Variants in HMCN2 observed in about 807,000 individuals in gnomAD.
HMCN2 encodes hemicentin 2, also known as hemicentin-2.
In HMCN2, 325 loss-of-function variants were observed where a neutral mutation model predicts 377.5. That is an observed-to-expected ratio of 0.86 (90% CI 0.79 to 0.94). The LOEUF (loss-of-function observed/expected upper bound fraction) is 0.94, where lower values mean the gene tolerates loss of function less well. Among genes scored for constraint, HMCN2 ranks in the 40% least tolerant of loss-of-function variants. HMCN2 has a pLI of 0.00. For synonymous variants in HMCN2, 2,007 were observed against 2,046.8 expected (o/e 0.98, Z 0.53); for missense variants, 4,543 against 4,725.3 (o/e 0.96, Z 1.13).
rs1836198830 is a variant in HMCN2 at position 130,296,958 on chromosome 9, T to C, written c.1012+164T>C. On this transcript the variant is annotated intron_variant, in intron 7 of 97. Transcript: ENST00000683500. ...GGACTGTGCTCCCAGACCACAGTGA[T>C]GTAAACTGAGCTTCCAGGCCAGCAT... Among the ~76,000 whole-genome samples, 3 of 152,162 alleles carry C rather than the reference T, an allele frequency of 2.0e-5. No individual in the cohort carries two copies. In the South Asian group the frequency reaches 6.2e-4, roughly 32 times the overall value.
rs536071370 is a variant in HMCN2, at chr9:130,416,042, G to A, written c.12962-2730G>A. On this transcript the variant is annotated intron_variant, in intron 85 of 97. Coordinates refer to ENST00000683500, the MANE Select transcript of HMCN2 (RefSeq NM_001291815.2). ...TCACGGTGGGGTAGGGATGGGCACA[G>A]CCCCAGGCAGGAGGGCCAAAGGCTT... 7.9e-5 allele frequency among the ~76,000 whole-genome samples: 12 copies of A among 151,698 alleles called. No individual in the cohort carries two copies. In the South Asian group the frequency reaches 2.3e-3, roughly 29 times the overall value.
In HMCN2 at chr9:130,377,596, G is replaced by A. The variant is rs909901341; in HGVS notation, c.8062-53G>A. ...ATTAAGCACATTTGTCTTGCTGCTC[G>A]TGGCCCCTCATTTCTGATCTCCCTT... On this transcript the variant is annotated intron_variant, in intron 52 of 97. Transcript: ENST00000683500. 6.7e-5 allele frequency: 64 copies of A among 948,448 alleles called. 1 individual carries two copies. The highest frequency in any genetic ancestry group is 5.3e-4 in the Middle Eastern group (1 of 1,872). The allele number at this position is 948,448 out of a possible 1,614,324, so 58.8% of individuals were successfully genotyped here.
chr9:130,423,240 T>A lies in HMCN2; in HGVS notation c.13381+514T>A, dbSNP rs1199979079. Among the ~76,000 whole-genome samples the A allele has an allele frequency of 1.3e-5, 2 of 152,168 alleles. No homozygotes were observed. The highest frequency in any genetic ancestry group is 4.8e-5 in the African/African-American group (2 of 41,430). ...TCATGTACGGTGTCTGAGCGATGAATGCTCTGAGAGACTTGCAGAGCTTGT... is the reference window on the plus strand; with the variant it reads ...TCATGTACGGTGTCTGAGCGATGAAAGCTCTGAGAGACTTGCAGAGCTTGT... On this transcript the variant is annotated intron_variant, in intron 87 of 97. Transcript: ENST00000683500. The surrounding 1 kb of genome is among the most constrained non-coding windows in gnomAD (Gnocchi z 5.5).
chr9:130,429,830 G>A (rs920601360), intron 94 of HMCN2, 145 bp downstream of exon 94: 20 of 1,391,416 alleles, frequency 1.4e-5, no homozygotes, highest in African/African-American at 1.2e-4. Context: ...TGTCTAAGGC[G>A]CCAGTGCTGT....
At position 130,305,336 on chromosome 9, in the gene HMCN2, C is replaced by T. The variant is rs144227905; in HGVS notation, c.1816+334C>T. On this transcript the variant is annotated intron_variant, in intron 11 of 97. Transcript: ENST00000683500. ...ACTGCACCCTGCCCAATAGGTAGGG[C>T]AGGGACTGAATACTGGAACCTTGGG... 4.9e-3 allele frequency among the ~76,000 whole-genome samples: 744 copies of T among 152,260 alleles called. 6 individuals are homozygous for T. The highest frequency in any genetic ancestry group is 0.017 in the African/African-American group (707 of 41,534).
At chr9:130,273,810 T>C (rs1363990497) in intron 1 of HMCN2, among the ~76,000 whole-genome samples, 1 of 152,242 alleles carries the variant, frequency 6.6e-6, no homozygotes, top group Non-Finnish European at 1.5e-5. Context: ...CTTGTCTTGC[T>C]TTTGATTTTG....
rs1456752636 is a variant in HMCN2, at chr9:130,380,936, A to C, written c.8432-1248A>C. 1.2e-4 allele frequency among the ~76,000 whole-genome samples: 4 copies of C among 33,782 alleles called. No homozygotes were observed. The Admixed American group carries it at 2.0e-3, about 17-fold the overall frequency. 22.2% of individuals were successfully genotyped at this position (33,782 alleles called of 152,430 possible). A position where few individuals can be genotyped will look rare whatever the true frequency, so the allele number is the denominator to read the frequency against. On this transcript the variant is annotated intron_variant, in intron 54 of 97. Coordinates refer to ENST00000683500, the MANE Select transcript of HMCN2 (RefSeq NM_001291815.2). ...GATCCTGACCCCAAGTCCTGGGTGC[A>C]CAGTAGGCTCTGACCTGCTGATCCC...
In HMCN2 at chr9:130,365,645, TG is replaced by T; in HGVS notation, c.6424del (p.Val2142CysfsTer12). On this transcript the variant is annotated frameshift_variant, in exon 42 of 98. Transcript: ENST00000683500. LOFTEE classifies it high-confidence loss of function. The part of the protein sequence containing the change: ...KALLQVDRAD[V>X]WDAGHYTCEA... ...CTCTCTGCCAGGTGGACAGAGCCGA[TG>T]TGTGGGATGCGGGCCATTACACCTG... is the stretch of plus-strand genomic sequence containing the variant. The T allele has an allele frequency of 3.0e-6, 3 of 985,994 alleles. No homozygotes were observed. The highest frequency in any genetic ancestry group is 3.6e-6 in the Non-Finnish European group (3 of 830,036). 61.1% of individuals were successfully genotyped at this position (985,994 alleles called of 1,614,324 possible). A position where few individuals can be genotyped will look rare whatever the true frequency, so the allele number is the denominator to read the frequency against.
rs1463812002 is a variant in HMCN2, at chr9:130,302,865, C to G, written c.1285C>G (p.Leu429Val). The G allele has an allele frequency of 2.1e-6, 1 of 466,192 alleles. No individual in the cohort carries two copies. The highest frequency in any genetic ancestry group is 2.0e-5 in the African/African-American group (1 of 50,000). 28.9% of individuals were successfully genotyped at this position (466,192 alleles called of 1,614,324 possible). Residue 429 changes from leucine to valine, a missense_variant, in exon 9 of 98, where the codon CTC (leucine) becomes GTC (valine). Coordinates refer to ENST00000683500, the MANE Select transcript of HMCN2 (RefSeq NM_001291815.2). ...CTGGTCCCCGCCTACAGGCGCTCCC[C>G]TCGTCAGCATGGCCCCCAGGATCCA... ...SYSGVAPGAPLVSMAPRIHGY... is the reference protein window; with the variant it reads ...SYSGVAPGAPVVSMAPRIHGY...
chr9:130,358,285 G>A, intron 35 of HMCN2, 105 bp from the exon 36 acceptor site: 1 of 1,259,830 alleles, frequency 7.9e-7, no homozygotes, highest in Non-Finnish European at 1.0e-6. Flanking sequence ...GTGTCCCCAT[G>A]CCTCACTGCT....
chr9:130,302,715 CTG>C, intron 8 of HMCN2, 140 bp from the exon 9 acceptor site: 2 of 290,324 alleles, frequency 6.9e-6, no homozygotes, highest in Non-Finnish European at 7.1e-6. Context: ...GAGGTGAAAA[CTG>C]AGCTTAGAGA....
rs75362184 is a variant in HMCN2 at position 130,376,161 on chromosome 9, C to G, written c.7918+172C>G. On this transcript the variant is annotated intron_variant, in intron 51 of 97. Transcript: ENST00000683500. ...TCCAGAGGACACAATGAGGAGAGAA[C>G]AGTGAGTTAGGGCATGTGCCACTTG... Among the ~76,000 whole-genome samples the G allele has an allele frequency of 6.6e-3, 1,005 of 152,242 alleles. 21 individuals are homozygous for G. Among genetic ancestry groups the G allele is most frequent in the South Asian group, 0.06 (287 of 4,818 alleles).
Position 130,351,124 on chromosome 9 carries a change from A to G in HMCN2, c.4431-299A>G, listed in dbSNP as rs1775072847. The stretch of plus-strand genomic sequence containing the variant: ...CTGGGTACTTCACATCACTGGCATC[A>G]TAGAGTGTGTGGCCTTTTGTGTCTG... On this transcript the variant is annotated intron_variant, in intron 29 of 97. Transcript: ENST00000683500. This position sits in a 1 kb window ranked among gnomAD's most constrained non-coding sequence, Gnocchi z 5.4. Among the ~76,000 whole-genome samples, 1 of 152,134 alleles carries G rather than the reference A, an allele frequency of 6.6e-6. No individual in the cohort carries two copies. The highest frequency in any genetic ancestry group is 2.4e-5 in the African/African-American group (1 of 41,430).
chr9:130,353,026 C>T lies in HMCN2; in HGVS notation c.4685C>T (p.Pro1562Leu), dbSNP rs1244336739. ...TGTGAGGCTCGAGGAGTGCCCACCC[C>T]AAACATCACCTGGTTCAAGGACGGG... ...LLCEARGVPTPNITWFKDGAL... is the reference protein window; with the variant it reads ...LLCEARGVPTLNITWFKDGAL... The change falls in exon 31 of 98, where the codon CCA (proline) becomes CTA (leucine). Residue 1562 changes from proline to leucine, a missense_variant. This residue lies in a region of HMCN2 where 1,032 missense variants were observed against 1,285.1 expected (regional missense o/e 0.80). Coordinates refer to ENST00000683500, the MANE Select transcript of HMCN2 (RefSeq NM_001291815.2). 3 of 1,304,202 alleles carry T rather than the reference C, an allele frequency of 2.3e-6. No individual in the cohort carries two copies. The Admixed American group carries it at 6.9e-5, about 30-fold the overall frequency. 80.8% of individuals were successfully genotyped at this position (1,304,202 alleles called of 1,614,324 possible).
intron 54 of HMCN2, among the ~76,000 whole-genome samples, chr9:130,381,451 CT>C (rs1238007680): frequency 6.6e-6 from 1 of 152,160 alleles, no homozygotes; most frequent in Non-Finnish European, 1.5e-5. Context: ...TCACTGCAAC[CT>C]CTGCCTCCTG....
At chr9:130,401,538 G>C (rs1588400665) in intron 77 of HMCN2, among the ~76,000 whole-genome samples, 1 of 152,192 alleles carries the variant, frequency 6.6e-6, no homozygotes, top group East Asian at 1.9e-4. Context: ...GGCCAGGCTG[G>C]TCTTGAACTC....
chr9:130,413,843 A>C (rs1238860007), intron 85 of HMCN2, among the ~76,000 whole-genome samples: 1 of 152,106 alleles, frequency 6.6e-6, no homozygotes, highest in Non-Finnish European at 1.5e-5. Context: ...TAAGAAAGAA[A>C]ACTTGTAAAT....
intron 1 of HMCN2, among the ~76,000 whole-genome samples, chr9:130,282,400 C>A (rs564515577): frequency 2.0e-5 from 3 of 152,174 alleles, no homozygotes; most frequent in Non-Finnish European, 4.4e-5. Context: ...TGAGCTCTGC[C>A]TGAGAGTCCC....
intron 32 of HMCN2, among the ~76,000 whole-genome samples, chr9:130,355,461 C>T (rs551172232): frequency 6.6e-5 from 10 of 152,330 alleles, no homozygotes; most frequent in South Asian, 4.2e-4. Context: ...TGACCCCAAG[C>T]GGCACTGGAA....
Sources: gnomAD v4.1 joint callset for allele counts (sites outside exome capture counted in the v4.1 genomes callset) on GRCh38, gnomAD v4.1.1 for gene constraint, gnomAD v4.1.1 regional missense constraint, Gnocchi (gnomAD v3.1) non-coding constraint, MANE v1.5 for transcripts, NCBI Gene and HGNC (gene_info 2026-07-23, HGNC 2026-07-21) for gene names.